The following EXOG variants were observed in gnomAD, a reference collection of about 807,000 sequenced individuals.
EXOG encodes the protein exo/endonuclease G.
A neutral mutation model predicts 25.8 loss-of-function variants in EXOG; 27 were observed. The observed-to-expected ratio is 1.05, with a 90% CI of 0.77 to 1.45. EXOG has a LOEUF of 1.45. Ranked by LOEUF, EXOG falls within the 40% of genes most tolerant of loss-of-function variation. The pLI is 0.00. For missense variants in EXOG, 458 were observed against 450.5 expected, an observed-to-expected ratio of 1.02 and a Z score of -0.15; for synonymous variants, 133 against 167.0, an observed-to-expected ratio of 0.80 and a Z score of 1.57.
chr3:38,506,855 A>G lies in EXOG; in HGVS notation c.532A>G (p.Ile178Val). ...FDNNSGYWNR[I>V]EMYCRELTER... ...TACATTTTTTTATTTGTTTTTCAGA[A>G]TAGAAATGTACTGTCGAGAGCTGAC... Residue 178 changes from isoleucine to valine, a missense_variant and splice_region_variant, in exon 5 of 6, where the codon ATA becomes GTA. Ile to Val is a conservative substitution (Grantham distance 29). Coordinates refer to ENST00000287675, the MANE Select transcript of EXOG (RefSeq NM_005107.4). 4 of 1,513,662 alleles carry G rather than the reference A, an allele frequency of 2.6e-6. No individual in the cohort carries two copies. The highest frequency in any genetic ancestry group is 1.1e-5 in the South Asian group (1 of 88,150). The allele number at this position is 1,513,662 out of a possible 1,614,324, so 93.8% of individuals were successfully genotyped here.
At chr3:38,514,237 G>A (rs1227854129) in intron 5 of EXOG, among the ~76,000 whole-genome samples, 2 of 152,220 alleles carry the variant, frequency 1.3e-5, no homozygotes, top group Admixed American at 1.3e-4. Context: ...CTGGCTTCTT[G>A]TGAAGAACAG....
rs181281677 is a variant in EXOG, at chr3:38,513,840, A to G, written c.645+6872A>G. ...AAGGCAGAAAAGAGTACCCTCATGG[A>G]GCATGCATTATAGTGGAGGAGATAC... On this transcript the variant is annotated intron_variant, in intron 5 of 5. Transcript: ENST00000287675. 9 of 152,330 alleles carry G rather than the reference A, an allele frequency of 5.9e-5. No homozygotes were observed. The East Asian group carries it at 1.5e-3, about 26-fold the overall frequency. The allele number at this position is 152,330 out of a possible 1,614,324, so 9.4% of individuals were successfully genotyped here.
At chr3:38,516,167 A>G (rs189119532) in intron 5 of EXOG, among the ~76,000 whole-genome samples, 1 of 152,066 alleles carries the variant, frequency 6.6e-6, no homozygotes, top group African/African-American at 2.4e-5. Context: ...CTGCCATTCC[A>G]TATATTTATG....
chr3:38,519,614 G>A (rs1397673206), intron 5 of EXOG, among the ~76,000 whole-genome samples: 4 of 152,020 alleles, frequency 2.6e-5, no homozygotes, highest in Non-Finnish European at 4.4e-5. Context: ...ATATCTATTT[G>A]TTTTAATGAA....
rs766723778 is a variant in EXOG at position 38,496,371 on chromosome 3, G to C, written c.4G>C (p.Ala2Pro). The C allele has an allele frequency of 6.2e-7, 1 of 1,613,254 alleles. No homozygotes were observed. The highest frequency in any genetic ancestry group is 1.1e-5 in the South Asian group (1 of 91,012). Reference sequence around the variant, plus strand: ...AAAGGCCGGTACCTCGGGCAAGATGGCTATCAAGAGTATCGCTTCCCGCCT... The same window carrying C: ...AAAGGCCGGTACCTCGGGCAAGATGCCTATCAAGAGTATCGCTTCCCGCCT... M[A>P]IKSIASRLRG... is the part of the protein sequence containing the mutation. Residue 2 changes from alanine to proline, a missense_variant, in exon 1 of 6, where the codon GCT becomes CCT. Ala to Pro is a conservative substitution (Grantham distance 27). Transcript: ENST00000287675.
At chr3:38,509,866 A>G (rs2060313498) in intron 5 of EXOG, among the ~76,000 whole-genome samples, 2 of 152,220 alleles carry the variant, frequency 1.3e-5, no homozygotes, top group Admixed American at 6.5e-5. Context: ...CAGTTAATAA[A>G]TTTGCGAGAA....
intron 2 of EXOG, chr3:38,499,998 G>A (rs775566668): frequency 9.0e-6 from 2 of 221,134 alleles, no homozygotes; most frequent in Non-Finnish European, 1.8e-5. Flanking sequence ...GTCTTGCAGT[G>A]TAGGAGACCC....
intron 5 of EXOG, among the ~76,000 whole-genome samples, chr3:38,509,574 G>C (rs1321099150): frequency 1.3e-5 from 2 of 152,154 alleles, no homozygotes; most frequent in East Asian, 1.9e-4. Context: ...CTCCTGAAAA[G>C]ACTCAGCGCT....
At chr3:38,499,040 T>C (rs2059973785) in intron 2 of EXOG, 1 of 455,732 alleles carries the variant, frequency 2.2e-6, no homozygotes, top group Admixed American at 2.4e-5. Context: ...CTTGTGTTTA[T>C]TGATTATCAA....
intron 5 of EXOG, among the ~76,000 whole-genome samples, chr3:38,517,621 G>A (rs2060587625): frequency 6.6e-6 from 1 of 152,194 alleles, no homozygotes; most frequent in African/African-American, 2.4e-5. Flanking sequence ...GAGCCCCAAA[G>A]CTCGTAGTAT....
intron 5 of EXOG, among the ~76,000 whole-genome samples, chr3:38,520,546 C>T (rs2060683796): frequency 6.6e-6 from 1 of 152,176 alleles, no homozygotes; most frequent in Non-Finnish European, 1.5e-5. Flanking sequence ...TTGCTTTCTC[C>T]TCCTGAAACC....
chr3:38,497,368 T>C (rs2059922435), intron 1 of EXOG: 1 of 1,217,116 alleles, frequency 8.2e-7, no homozygotes, highest in African/African-American at 1.6e-5. Flanking sequence ...TAAGATCAAG[T>C]CTTTATTCAA....
intron 2 of EXOG, chr3:38,500,079 C>A (rs948901795): frequency 3.0e-5 from 5 of 165,824 alleles, no homozygotes; most frequent in Admixed American, 2.8e-4. Context: ...AACTTCCCTG[C>A]CCACTCTTAG....
rs1384773797 is a variant in EXOG at position 38,525,495 on chromosome 3, G to A, written c.*1133G>A. ...TTAGCTCTGTGGAAAGAGACAGTCA[G>A]GAATATTTGGGAATTAGACGGCAAT... On this transcript the variant is annotated 3_prime_UTR_variant, in exon 6 of 6. Coordinates refer to ENST00000287675, the MANE Select transcript of EXOG (RefSeq NM_005107.4). 2.0e-6 allele frequency: 2 copies of A among 985,330 alleles called. No homozygotes were observed. Among genetic ancestry groups the A allele is most frequent in the African/African-American group, 3.5e-5 (2 of 57,236 alleles). The allele number at this position is 985,330 out of a possible 1,614,324, so 61.0% of individuals were successfully genotyped here.
In EXOG at chr3:38,526,138, T is replaced by A; in HGVS notation, c.*1776T>A. 2.0e-6 allele frequency: 2 copies of A among 985,434 alleles called. No individual in the cohort carries two copies. Among genetic ancestry groups the A allele is most frequent in the Non-Finnish European group, 2.4e-6 (2 of 829,920 alleles). The allele number at this position is 985,434 out of a possible 1,614,324, so 61.0% of individuals were successfully genotyped here. On this transcript the variant is annotated 3_prime_UTR_variant, in exon 6 of 6. Coordinates refer to ENST00000287675, the MANE Select transcript of EXOG (RefSeq NM_005107.4). ...GTTTACACGGAGTCCTTTCATGGAC[T>A]ATCCTGAGTATTGTCAGTAAAACGT...
chr3:38,497,479 A>AT (rs1287989905), intron 1 of EXOG, 150 bp from the exon 2 acceptor site: 1 of 1,353,972 alleles, frequency 7.4e-7, no homozygotes, highest in Admixed American at 3.7e-5. Flanking sequence ...CAAAAATGAG[A>AT]TTTTCTGGTT....
chr3:38,497,879 C>T, intron 2 of EXOG, 101 bp downstream of exon 2: 1 of 1,381,930 alleles, frequency 7.2e-7, no homozygotes, highest in Non-Finnish European at 9.8e-7. Flanking sequence ...TTTTTCATAT[C>T]ATAGCACATG....
At chr3:38,522,337 C>CT (rs1429780897) in intron 5 of EXOG, among the ~76,000 whole-genome samples, 1 of 152,204 alleles carries the variant, frequency 6.6e-6, no homozygotes. Context: ...AGGAATCTTG[C>CT]TGCAGGCAGA....
chr3:38,507,976 C>A (rs1429657609), intron 5 of EXOG, among the ~76,000 whole-genome samples: 10 of 151,892 alleles, frequency 6.6e-5, no homozygotes, highest in African/African-American at 2.4e-4. Flanking sequence ...GCTAAAAATA[C>A]AAAAATTATC....
Sources: gnomAD v4.1 joint callset for allele counts (sites outside exome capture counted in the v4.1 genomes callset) on GRCh38, gnomAD v4.1.1 for gene constraint, MANE v1.5 for transcripts, NCBI Gene and HGNC (gene_info 2026-07-23, HGNC 2026-07-21) for gene names.